The following PRR16 variants were observed in gnomAD, a reference collection of about 807,000 sequenced individuals.
PRR16 encodes the protein protein Largen.
A neutral mutation model predicts 18.2 loss-of-function variants in PRR16; 6 were observed. That is an observed-to-expected ratio of 0.33 (90% CI 0.18 to 0.65). PRR16 has a LOEUF of 0.65. Among genes scored for constraint, PRR16 ranks in the 30% least tolerant of loss-of-function variants. PRR16 has a pLI of 0.74. For synonymous variants in PRR16, 151 were observed against 147.8 expected, an observed-to-expected ratio of 1.02 and a Z score of -0.16; for missense variants, 412 against 376.6, an observed-to-expected ratio of 1.09 and a Z score of -0.78.
chr5:120,527,504 C>G (rs1418477672), intron 1 of PRR16, among the ~76,000 whole-genome samples: 1 of 152,168 alleles, frequency 6.6e-6, no homozygotes, highest in Non-Finnish European at 1.5e-5. Context: ...ACATTCTGAT[C>G]AAATTAACAC....
chr5:120,484,267 T>C (rs1487145309), intron 1 of PRR16, among the ~76,000 whole-genome samples: 1 of 148,406 alleles, frequency 6.7e-6, no homozygotes, highest in African/African-American at 2.5e-5. Flanking sequence ...GTACTGAAAG[T>C]TAAAAAAGAA....
At chr5:120,761,702 T>C in the PRR16 span, among the ~76,000 whole-genome samples, 1 of 152,150 alleles carries the variant, frequency 6.6e-6, no homozygotes, top group South Asian at 2.1e-4. Flanking sequence ...TACATTATCA[T>C]TTCTATGTGT....
the PRR16 span, among the ~76,000 whole-genome samples, chr5:120,768,790 A>G: frequency 6.6e-6 from 1 of 151,812 alleles, no homozygotes; most frequent in Non-Finnish European, 1.5e-5. Context: ...GAGCAAGAAA[A>G]TAATCTGAGA....
intron 1 of PRR16, among the ~76,000 whole-genome samples, chr5:120,589,580 A>G (rs1316944865): frequency 6.6e-6 from 1 of 152,090 alleles, no homozygotes; most frequent in Non-Finnish European, 1.5e-5. Flanking sequence ...TACAGTTCCA[A>G]ATGGCTGGGG....
intron 1 of PRR16, among the ~76,000 whole-genome samples, chr5:120,562,155 T>C (rs546604357): frequency 6.6e-6 from 1 of 152,174 alleles, no homozygotes; most frequent in African/African-American, 2.4e-5. Flanking sequence ...TATATCTGTG[T>C]GTTCCAGTGT....
chr5:120,736,074 A>C, the PRR16 span, among the ~76,000 whole-genome samples: 2 of 152,138 alleles, frequency 1.3e-5, no homozygotes, highest in Admixed American at 6.5e-5. Flanking sequence ...TGAGGAGGCT[A>C]TTCTTTCCTC....
the PRR16 span, among the ~76,000 whole-genome samples, chr5:120,737,660 AGTTT>A: frequency 2.0e-5 from 3 of 149,652 alleles, no homozygotes; most frequent in East Asian, 5.9e-4. Context: ...TTTTTGGAAG[AGTTT>A]GAAAAGGATT....
the PRR16 span, among the ~76,000 whole-genome samples, chr5:120,712,420 T>C: frequency 6.6e-6 from 1 of 152,298 alleles, no homozygotes; most frequent in South Asian, 2.1e-4. Context: ...TTCTATGTAT[T>C]TGACTTTTTC....
At chr5:120,565,841 C>G (rs1752720154) in intron 1 of PRR16, among the ~76,000 whole-genome samples, 1 of 152,134 alleles carries the variant, frequency 6.6e-6, no homozygotes, top group Non-Finnish European at 1.5e-5. Context: ...TTGCAATTAA[C>G]TTTACATTTG....
chr5:120,597,987 A>T (rs1050558491), intron 1 of PRR16, among the ~76,000 whole-genome samples: 4 of 151,906 alleles, frequency 2.6e-5, no homozygotes, highest in African/African-American at 7.2e-5. Context: ...GATTATGAAT[A>T]TGGAGGTCTC....
intron 1 of PRR16, among the ~76,000 whole-genome samples, chr5:120,637,794 C>T (rs1001972230): frequency 2.0e-5 from 3 of 152,046 alleles, no homozygotes; most frequent in Non-Finnish European, 2.9e-5. Context: ...GCATTCATGC[C>T]ACCACACTCC....
At chr5:120,780,847 C>G in the PRR16 span, among the ~76,000 whole-genome samples, 2 of 152,198 alleles carry the variant, frequency 1.3e-5, no homozygotes, top group South Asian at 2.1e-4. Flanking sequence ...GTCAGGAGAT[C>G]GAGAGCATCC....
intron 1 of PRR16, among the ~76,000 whole-genome samples, chr5:120,640,364 C>A (rs1755382001): frequency 6.6e-6 from 1 of 152,030 alleles, no homozygotes; most frequent in African/African-American, 2.4e-5. Context: ...CTGTGACCTA[C>A]AAATACTACA....
intron 1 of PRR16, among the ~76,000 whole-genome samples, chr5:120,672,361 T>A (rs1207187201): frequency 1.3e-5 from 2 of 150,958 alleles, no homozygotes; most frequent in Non-Finnish European, 2.9e-5. Context: ...TAACATCTTC[T>A]AAGCACTAAG....
chr5:120,573,322 T>C (rs939556702), intron 1 of PRR16, among the ~76,000 whole-genome samples: 22 of 152,202 alleles, frequency 1.4e-4, no homozygotes, highest in Admixed American at 3.9e-4. Context: ...TTCTTACTCT[T>C]ATTTCAAAAT....
intron 1 of PRR16, among the ~76,000 whole-genome samples, chr5:120,630,407 G>C (rs1755013075): frequency 6.6e-6 from 1 of 151,976 alleles, no homozygotes; most frequent in East Asian, 1.9e-4. Flanking sequence ...GGCTTGTAAG[G>C]TCATCCTAAG....
chr5:120,670,290 A>T (rs1191170857), intron 1 of PRR16, among the ~76,000 whole-genome samples: 1 of 152,124 alleles, frequency 6.6e-6, no homozygotes, highest in Non-Finnish European at 1.5e-5. Flanking sequence ...TTTGCTATGG[A>T]TCCACTAAAT....
chr5:120,477,688 G>C (rs1170623542), intron 1 of PRR16, among the ~76,000 whole-genome samples: 1 of 152,084 alleles, frequency 6.6e-6, no homozygotes, highest in Non-Finnish European at 1.5e-5. Flanking sequence ...CTCAAAGTCA[G>C]AGCACTTACT....
At chr5:120,536,323 T>C (rs1751714084) in intron 1 of PRR16, among the ~76,000 whole-genome samples, 1 of 152,206 alleles carries the variant, frequency 6.6e-6, no homozygotes, top group South Asian at 2.1e-4. Context: ...ATGGAAGCAG[T>C]AGTCATCTAT....
Sources: gnomAD v4.1 joint callset for allele counts (sites outside exome capture counted in the v4.1 genomes callset) on GRCh38, gnomAD v4.1.1 for gene constraint, MANE v1.5 for transcripts, NCBI Gene and HGNC (gene_info 2026-07-23, HGNC 2026-07-21) for gene names.